Variants in IRAK4 observed in about 807,000 individuals in gnomAD.
The protein encoded by IRAK4 is interleukin-1 receptor-associated kinase 4.
IRAK4 carries 44 observed loss-of-function variants against 51.8 expected under a neutral mutation model. The ratio of observed to expected loss-of-function variants is 0.85; its 90% CI spans 0.67 to 1.09. IRAK4 has a LOEUF of 1.09. Among genes scored for constraint, IRAK4 ranks in the 50% least tolerant of loss-of-function variants. The pLI, the probability that IRAK4 is intolerant of heterozygous loss-of-function variation, is 0.00. For synonymous variants in IRAK4, 149 were observed against 174.1 expected (o/e 0.86, Z 1.13); for missense variants, 487 against 538.0 (o/e 0.91, Z 0.94).
chr12:43,767,682 G>C (rs1216905563), intron 1 of IRAK4, among the ~76,000 whole-genome samples: 3 of 150,136 alleles, frequency 2.0e-5, no homozygotes, highest in African/African-American at 7.5e-5. Flanking sequence ...AATTTTAATT[G>C]TAAATAAGTA....
In IRAK4 at chr12:43,786,450, A is replaced by G. The variant is rs758846627; in HGVS notation, c.1240A>G (p.Ile414Val). Reference sequence around the variant, plus strand: ...TGAAGAAAAGACAATTGAAGATTATATTGATAAAAAGATGAATGATGCTGA... The same window carrying G: ...TGAAGAAAAGACAATTGAAGATTATGTTGATAAAAAGATGAATGATGCTGA... The part of the protein sequence containing the change: ...EDEEKTIEDY[I>V]DKKMNDADST... The change falls in exon 11 of 12, where the codon ATT becomes GTT. Residue 414 changes from isoleucine to valine, a missense_variant. Physicochemically the swap from Ile to Val is conservative, Grantham distance 29. Transcript: ENST00000613694. 3 of 1,608,564 alleles carry G rather than the reference A, an allele frequency of 1.9e-6. No individual in the cohort carries two copies. Among genetic ancestry groups the G allele is most frequent in the Admixed American group, 3.4e-5 (2 of 59,352 alleles).
chr12:43,775,950 T>C (rs1437740764), intron 6 of IRAK4, among the ~76,000 whole-genome samples: 1 of 149,076 alleles, frequency 6.7e-6, no homozygotes, highest in African/African-American at 2.5e-5. Context: ...GGTGCGATCT[T>C]GGCTCACTGC....
At chr12:43,784,646 G>T (rs754524396) in intron 10 of IRAK4, among the ~76,000 whole-genome samples, 1 of 152,122 alleles carries the variant, frequency 6.6e-6, no homozygotes, top group Non-Finnish European at 1.5e-5. Context: ...CAAAACTTTG[G>T]CTTGAGTAAG....
intron 10 of IRAK4, among the ~76,000 whole-genome samples, chr12:43,784,390 A>G (rs866391700): frequency 2.0e-5 from 3 of 152,124 alleles, no homozygotes; most frequent in East Asian, 1.9e-4. Context: ...ACATAGCATC[A>G]GAGTCAGATC....
chr12:43,771,695 C>T (rs1260464378), intron 3 of IRAK4, among the ~76,000 whole-genome samples: 1 of 152,110 alleles, frequency 6.6e-6, no homozygotes, highest in Non-Finnish European at 1.5e-5. Context: ...TCAACTTCTA[C>T]CCTGATGGGA....
rs1178518229 is a variant in IRAK4 at position 43,789,530 on chromosome 12, T to G, written c.*2815T>G. 2.6e-5 allele frequency: 4 copies of G among 152,228 alleles called. No homozygotes were observed. The highest frequency in any genetic ancestry group is 5.9e-5 in the Non-Finnish European group (4 of 68,034). The allele number at this position is 152,228 out of a possible 1,614,324, so 9.4% of individuals were successfully genotyped here. On this transcript the variant is annotated 3_prime_UTR_variant, in exon 12 of 12. Transcript: ENST00000613694. ...GTTATAGATTGTTTTTATTAAACAC[T>G]TATGAATACTGTTTGAAGTGCTTTA... is the stretch of plus-strand genomic sequence containing the variant.
intron 8 of IRAK4, among the ~76,000 whole-genome samples, chr12:43,781,457 T>C (rs1314962575): frequency 6.6e-6 from 1 of 152,208 alleles, no homozygotes; most frequent in African/African-American, 2.4e-5. Context: ...AAGTTGACCA[T>C]GTATACCATA....
intron 1 of IRAK4, among the ~76,000 whole-genome samples, chr12:43,764,832 T>A (rs1945533065): frequency 6.6e-6 from 1 of 152,202 alleles, no homozygotes; most frequent in Non-Finnish European, 1.5e-5. Flanking sequence ...TAGAAACACT[T>A]AGAAAAGCTA....
rs984418990 is a variant in IRAK4, at chr12:43,777,853, T to C, written c.831+109T>C. ...ACCAAATTCACTTTCATATTTTTCC[T>C]GCTCTATGAAAATTATACAGTTGAT... On this transcript the variant is annotated intron_variant, in intron 7 of 11. Transcript: ENST00000613694. 4.2e-6 allele frequency: 4 copies of C among 947,686 alleles called. No homozygotes were observed. The African/African-American group carries it at 6.5e-5, about 15-fold the overall frequency. The allele number at this position is 947,686 out of a possible 1,614,324, so 58.7% of individuals were successfully genotyped here. A position where few individuals can be genotyped will look rare whatever the true frequency, so the allele number is the denominator to read the frequency against.
At chr12:43,776,679 G>A (rs1411368999) in intron 6 of IRAK4, among the ~76,000 whole-genome samples, 3 of 152,164 alleles carry the variant, frequency 2.0e-5, no homozygotes, top group Non-Finnish European at 4.4e-5. Context: ...GTTAACTTGC[G>A]GTAGGTCACA....
At chr12:43,776,541 C>T (rs917052586) in intron 6 of IRAK4, among the ~76,000 whole-genome samples, 3 of 152,194 alleles carry the variant, frequency 2.0e-5, no homozygotes, top group African/African-American at 7.2e-5. Flanking sequence ...AATAATAAAA[C>T]ACTTATCATG....
intron 1 of IRAK4, among the ~76,000 whole-genome samples, chr12:43,767,657 A>G (rs1940306715): frequency 6.6e-6 from 1 of 152,100 alleles, no homozygotes; most frequent in South Asian, 2.1e-4. Flanking sequence ...TACTTCTACC[A>G]AAGAATGTTG....
chr12:43,774,376 C>T (rs1042767615), intron 6 of IRAK4, among the ~76,000 whole-genome samples: 5 of 152,162 alleles, frequency 3.3e-5, no homozygotes, highest in African/African-American at 1.2e-4. Flanking sequence ...TCCCGAGTAG[C>T]TGGACCTACA....
intron 8 of IRAK4, among the ~76,000 whole-genome samples, chr12:43,780,862 G>A (rs894774632): frequency 2.6e-5 from 4 of 152,094 alleles, no homozygotes; most frequent in African/African-American, 4.8e-5. Context: ...TTAGCCACCC[G>A]CCTGGCCTCT....
intron 10 of IRAK4, among the ~76,000 whole-genome samples, chr12:43,784,290 G>T (rs1485413270): frequency 1.3e-5 from 2 of 152,174 alleles, no homozygotes; most frequent in African/African-American, 2.4e-5. Context: ...CGACTGGGAA[G>T]GGTTTCTCCC....
chr12:43,763,845 AG>A (rs1211105835), intron 1 of IRAK4, among the ~76,000 whole-genome samples: 1 of 152,198 alleles, frequency 6.6e-6, no homozygotes, highest in South Asian at 2.1e-4. Context: ...CTGATTTCAG[AG>A]TCTAACATAT....
chr12:43,783,517 C>T (rs769668046), intron 9 of IRAK4, 145 bp from the exon 10 acceptor site: 423 of 608,620 alleles, frequency 7.0e-4, no homozygotes, highest in Non-Finnish European at 9.7e-4. Flanking sequence ...GAGACAGGGT[C>T]TCACTGTTGC....
intron 1 of IRAK4, chr12:43,759,720 T>G (rs1336036645): frequency 6.6e-6 from 1 of 152,094 alleles, no homozygotes; most frequent in Non-Finnish European, 1.5e-5. Context: ...GATACAAAAT[T>G]TAGCTGGCAT....
At chr12:43,769,079 T>C (rs1210673362) in intron 2 of IRAK4, among the ~76,000 whole-genome samples, 1 of 152,142 alleles carries the variant, frequency 6.6e-6, no homozygotes, top group East Asian at 1.9e-4. Flanking sequence ...AATTTTTTGA[T>C]ATTACTGTTA....
Sources: gnomAD v4.1 joint callset for allele counts (sites outside exome capture counted in the v4.1 genomes callset) on GRCh38, gnomAD v4.1.1 for gene constraint, MANE v1.5 for transcripts, NCBI Gene and HGNC (gene_info 2026-07-23, HGNC 2026-07-21) for gene names.